Variants in REDIC1 observed in about 807,000 individuals in gnomAD.
REDIC1 encodes HEI10 Interacting Protein 1.
chr12:39,731,503 G>A, the REDIC1 span, among the ~76,000 whole-genome samples: 1 of 152,176 alleles, frequency 6.6e-6, no homozygotes, highest in Non-Finnish European at 1.5e-5. Flanking sequence ...AAAGATTTCT[G>A]CCTGTTCCTT....
At chr12:39,702,167 G>GA in the REDIC1 span, among the ~76,000 whole-genome samples, 1 of 151,956 alleles carries the variant, frequency 6.6e-6, no homozygotes, top group South Asian at 2.1e-4. Context: ...TTTTTGAAAG[G>GA]ATCAACAAAA....
the REDIC1 span, among the ~76,000 whole-genome samples, chr12:39,665,614 T>C: frequency 6.7e-6 from 1 of 150,308 alleles, no homozygotes; most frequent in Non-Finnish European, 1.5e-5. Flanking sequence ...GTGAAGAAAG[T>C]CATTGGTAGC....
the REDIC1 span, among the ~76,000 whole-genome samples, chr12:39,852,389 G>A: frequency 1.3e-5 from 2 of 152,288 alleles, no homozygotes; most frequent in African/African-American, 2.4e-5. Flanking sequence ...TGTAACAAAT[G>A]TAAAGTGCTT....
chr12:39,646,713 T>C, the REDIC1 span: 1 of 609,284 alleles, frequency 1.6e-6, no homozygotes, highest in Non-Finnish European at 2.7e-6. Context: ...AGTAATATTA[T>C]GACCCTGTAG....
the REDIC1 span, among the ~76,000 whole-genome samples, chr12:39,678,305 A>C: frequency 2.0e-5 from 3 of 152,144 alleles, no homozygotes; most frequent in Non-Finnish European, 2.9e-5. Flanking sequence ...GCTACTGTGA[A>C]CACCTTTACA....
chr12:39,769,207 T>A, the REDIC1 span, among the ~76,000 whole-genome samples: 1 of 152,150 alleles, frequency 6.6e-6, no homozygotes, highest in Non-Finnish European at 1.5e-5. Flanking sequence ...AGACATTCCA[T>A]AAACTTTTGT....
At chr12:39,727,889 C>T in the REDIC1 span, among the ~76,000 whole-genome samples, 1 of 151,978 alleles carries the variant, frequency 6.6e-6, no homozygotes, top group East Asian at 1.9e-4. Flanking sequence ...ATTTGTATTC[C>T]TAGGTATTTT....
At chr12:39,701,076 A>G in the REDIC1 span, among the ~76,000 whole-genome samples, 2 of 145,284 alleles carry the variant, frequency 1.4e-5, no homozygotes, top group Non-Finnish European at 3.1e-5. Context: ...GATCAAATTC[A>G]CACATAACAA....
At chr12:39,731,482 T>C in the REDIC1 span, among the ~76,000 whole-genome samples, 1 of 152,202 alleles carries the variant, frequency 6.6e-6, no homozygotes, top group Non-Finnish European at 1.5e-5. Context: ...CAGTGGAGGC[T>C]CCAGAACAGC....
chr12:39,902,912 C>T, the REDIC1 span, among the ~76,000 whole-genome samples: 1 of 152,044 alleles, frequency 6.6e-6, no homozygotes, highest in Non-Finnish European at 1.5e-5. Flanking sequence ...TATTGAGTTG[C>T]ATCTTATTCC....
the REDIC1 span, among the ~76,000 whole-genome samples, chr12:39,746,451 ACCT>A: frequency 6.6e-6 from 1 of 152,154 alleles, no homozygotes; most frequent in African/African-American, 2.4e-5. Context: ...GGTGGAGCCC[ACCT>A]CAGCTCACTG....
chr12:39,896,796 T>A, the REDIC1 span, among the ~76,000 whole-genome samples: 1 of 152,136 alleles, frequency 6.6e-6, no homozygotes. Context: ...GTTGCATATA[T>A]TTAAGTGAGA....
At chr12:39,667,151 G>T in the REDIC1 span, among the ~76,000 whole-genome samples, 1 of 152,170 alleles carries the variant, frequency 6.6e-6, no homozygotes, top group East Asian at 1.9e-4. Flanking sequence ...TCTTTTAATT[G>T]TGGTGTTAGG....
chr12:39,860,553 G>A, the REDIC1 span, among the ~76,000 whole-genome samples: 6 of 152,218 alleles, frequency 3.9e-5, no homozygotes, highest in East Asian at 7.7e-4. Context: ...AGCTGATGTT[G>A]GTTCATGGAC....
At chr12:39,832,372 G>T in the REDIC1 span, among the ~76,000 whole-genome samples, 1 of 152,076 alleles carries the variant, frequency 6.6e-6, no homozygotes, top group Non-Finnish European at 1.5e-5. Context: ...CATTTGCAGA[G>T]AAATTATTCT....
the REDIC1 span, among the ~76,000 whole-genome samples, chr12:39,895,811 CGTACACACATGTATATGCGTGTATAT>C: frequency 3.3e-3 from 20 of 6,036 alleles, 7 homozygotes; most frequent in African/African-American, 6.5e-3. Context: ...TGCGTGTATA[CGTACACACATGTATATGCGTGTATAT>C]GCACACACAT....
chr12:39,697,447 G>C, the REDIC1 span, among the ~76,000 whole-genome samples: 1 of 152,104 alleles, frequency 6.6e-6, no homozygotes, highest in African/African-American at 2.4e-5. Context: ...ATAATAATAA[G>C]TACACAGAAA....
At chr12:39,712,154 A>ATGTATATGTACATGTATATATACC in the REDIC1 span, among the ~76,000 whole-genome samples, 1,659 of 141,008 alleles carry the variant, frequency 0.012, 42 homozygotes, top group African/African-American at 0.039. Context: ...ACATCTATAC[A>ATGTATATGTACATGTATATATACC]TGTATATGTA....
chr12:39,809,264 TG>T, the REDIC1 span, among the ~76,000 whole-genome samples: 1 of 152,222 alleles, frequency 6.6e-6, no homozygotes, highest in Non-Finnish European at 1.5e-5. Flanking sequence ...TCTGTTCCCT[TG>T]ATGTTTATGT....
Sources: gnomAD v4.1 joint callset for allele counts (sites outside exome capture counted in the v4.1 genomes callset) on GRCh38, gnomAD v4.1.1 for gene constraint, MANE v1.5 for transcripts, NCBI Gene and HGNC (gene_info 2026-07-23, HGNC 2026-07-21) for gene names.